The following PRIMA1 variants were observed in gnomAD, a reference collection of about 807,000 sequenced individuals.
The protein encoded by PRIMA1 is proline-rich membrane anchor 1.
In PRIMA1, 7 loss-of-function variants were observed where a neutral mutation model predicts 17.5. That is an observed-to-expected ratio of 0.40 (90% CI 0.23 to 0.75). The LOEUF is 0.75. PRIMA1 is among the 30% of genes least tolerant of loss of function. PRIMA1 has a pLI of 0.37. For missense variants in PRIMA1, 200 were observed against 201.8 expected, an observed-to-expected ratio of 0.99 and a Z score of 0.05; for synonymous variants, 97 against 77.9, an observed-to-expected ratio of 1.25 and a Z score of -1.29.
chr14:93,773,957 C>T (rs1421151469), intron 3 of PRIMA1, among the ~76,000 whole-genome samples: 4 of 152,052 alleles, frequency 2.6e-5, no homozygotes, highest in African/African-American at 7.2e-5. Flanking sequence ...CCACGTGTGG[C>T]GGCTCATGCC....
chr14:93,721,292 G>A lies in PRIMA1; in HGVS notation c.*152C>T. ...CGCAGGCTGACCAGGGGCAAGCCTG[G>A]GAAGACAATGGTTTCTCCTTCGGGA... On this transcript the variant is annotated 3_prime_UTR_variant, in exon 5 of 5. Coordinates refer to ENST00000393140, the MANE Select transcript of PRIMA1 (RefSeq NM_178013.4). 1.7e-6 allele frequency: 1 copy of A among 596,192 alleles called. No individual in the cohort carries two copies. The allele number at this position is 596,192 out of a possible 1,614,324, so 36.9% of individuals were successfully genotyped here.
chr14:93,788,252 C>T (rs1403083118), intron 1 of PRIMA1, among the ~76,000 whole-genome samples, 158 bp downstream of exon 1: 1 of 152,208 alleles, frequency 6.6e-6, no homozygotes, highest in Non-Finnish European at 1.5e-5. Context: ...CTGCCTGCAC[C>T]CACACTGCCC....
intron 4 of PRIMA1, among the ~76,000 whole-genome samples, chr14:93,736,381 G>C (rs545793230): frequency 6.6e-6 from 1 of 152,270 alleles, no homozygotes; most frequent in Non-Finnish European, 1.5e-5. Flanking sequence ...CTAAGAGAAC[G>C]TTGGTGAGGA....
chr14:93,781,967 CA>C (rs1461687473), intron 2 of PRIMA1, among the ~76,000 whole-genome samples: 5 of 145,356 alleles, frequency 3.4e-5, no homozygotes, highest in Middle Eastern at 4.3e-3. Context: ...AGCAAAACTC[CA>C]GTCTCAAAAA....
At chr14:93,747,403 A>G (rs184944822) in intron 3 of PRIMA1, among the ~76,000 whole-genome samples, 4 of 152,292 alleles carry the variant, frequency 2.6e-5, no homozygotes, top group Admixed American at 2.6e-4. Flanking sequence ...CGGGGAGTCA[A>G]AGAGAGAATG....
At chr14:93,779,000 G>A (rs1020781410) in intron 3 of PRIMA1, among the ~76,000 whole-genome samples, 176 bp downstream of exon 3, 1 of 151,998 alleles carries the variant, frequency 6.6e-6, no homozygotes, top group African/African-American at 2.4e-5. Flanking sequence ...GCAGGAGCAC[G>A]CTGTGGGAAA....
rs1566979282 is a variant in PRIMA1, at chr14:93,782,283, A to ATACATAC, written c.94-2973_94-2972insGTATGTA. Among the ~76,000 whole-genome samples, 1,477 of 151,084 alleles carry ATACATAC rather than the reference A, an allele frequency of 9.8e-3. 31 individuals are homozygous for ATACATAC. The highest frequency in any genetic ancestry group is 0.034 in the African/African-American group (1,396 of 40,904). On this transcript the variant is annotated intron_variant, in intron 2 of 4. Transcript: ENST00000393140. ...ACTCCGTCTCAAAAATAAATAAATA[A>ATACATAC]ATAAATAAATACATACATACATACA...
chr14:93,737,120 G>A lies in PRIMA1; in HGVS notation c.359+121C>T, dbSNP rs180864006. 40 of 947,024 alleles carry A rather than the reference G, an allele frequency of 4.2e-5. No individual in the cohort carries two copies. The East Asian group carries it at 9.6e-4, about 23-fold the overall frequency. 58.7% of individuals were successfully genotyped at this position (947,024 alleles called of 1,614,324 possible). A position where few individuals can be genotyped will look rare whatever the true frequency, so the allele number is the denominator to read the frequency against. The stretch of plus-strand genomic sequence containing the variant: ...TGGAAGGTCACTGTATATTCTTTCT[G>A]CTTCTTATATGCTTAACAACTTTTA... On this transcript the variant is annotated intron_variant, in intron 4 of 4. Coordinates refer to ENST00000393140, the MANE Select transcript of PRIMA1 (RefSeq NM_178013.4).
intron 4 of PRIMA1, among the ~76,000 whole-genome samples, chr14:93,724,201 C>T (rs1312688124): frequency 6.6e-6 from 1 of 152,176 alleles, no homozygotes; most frequent in Non-Finnish European, 1.5e-5. Flanking sequence ...CCCATATGAG[C>T]TCTGGGACCT....
intron 3 of PRIMA1, among the ~76,000 whole-genome samples, chr14:93,747,328 C>T (rs949288632): frequency 6.6e-6 from 1 of 152,200 alleles, no homozygotes; most frequent in African/African-American, 2.4e-5. Context: ...GGGATGGTGC[C>T]ACGTGGCAGT....
At chr14:93,733,372 C>T (rs989508627) in intron 4 of PRIMA1, among the ~76,000 whole-genome samples, 1 of 152,230 alleles carries the variant, frequency 6.6e-6, no homozygotes, top group Admixed American at 6.5e-5. Flanking sequence ...GCTAGTGAGA[C>T]TCTTCCTCCT....
intron 3 of PRIMA1, among the ~76,000 whole-genome samples, chr14:93,753,610 A>G (rs2076273381): frequency 6.6e-6 from 1 of 152,110 alleles, no homozygotes; most frequent in Non-Finnish European, 1.5e-5. Context: ...AAACCAATGG[A>G]TGTTGCTCAC....
intron 3 of PRIMA1, among the ~76,000 whole-genome samples, chr14:93,771,711 G>T (rs1178906316): frequency 6.6e-6 from 1 of 152,214 alleles, no homozygotes; most frequent in Non-Finnish European, 1.5e-5. Flanking sequence ...AGTCAGGGAA[G>T]GTCTTCCTGA....
chr14:93,770,289 T>A (rs1885021240), intron 3 of PRIMA1, among the ~76,000 whole-genome samples: 2 of 152,320 alleles, frequency 1.3e-5, no homozygotes, highest in Admixed American at 1.3e-4. Flanking sequence ...CGTGAGGGCA[T>A]GCCACACCCC....
At chr14:93,758,631 G>T (rs1216834917) in intron 3 of PRIMA1, among the ~76,000 whole-genome samples, 1 of 149,170 alleles carries the variant, frequency 6.7e-6, no homozygotes, top group Non-Finnish European at 1.5e-5. Context: ...AAAAGAAAAA[G>T]AAATAATCGA....
chr14:93,729,661 G>A (rs1159450684), intron 4 of PRIMA1, among the ~76,000 whole-genome samples: 1 of 152,242 alleles, frequency 6.6e-6, no homozygotes, highest in African/African-American at 2.4e-5. Flanking sequence ...CTGAAGGCCA[G>A]AGCAGGCAAC....
At chr14:93,757,174 G>T (rs1395732741) in intron 3 of PRIMA1, among the ~76,000 whole-genome samples, 2 of 152,034 alleles carry the variant, frequency 1.3e-5, no homozygotes. Context: ...TGGGGATGGA[G>T]AAATTGTGAG....
Position 93,721,525 on chromosome 14 carries a change from T to A in PRIMA1, c.381A>T (p.Glu127Asp), listed in dbSNP as rs756637168. The A allele has an allele frequency of 2.5e-6, 4 of 1,613,730 alleles. No individual in the cohort carries two copies. In the Admixed American group the frequency reaches 6.7e-5, roughly 27 times the overall value. ...AIKRKPLRKD[E>D]NGTSVAEYPM... ...GATACTCAGCAACGCTGGTGCCATTTTCGTCTTTTCTCAGTGGTTTCCTGG... is the reference window on the plus strand; with the variant it reads ...GATACTCAGCAACGCTGGTGCCATTATCGTCTTTTCTCAGTGGTTTCCTGG... Residue 127 changes from glutamate (E) to aspartate (D), a missense_variant, in exon 5 of 5, where the codon GAA (glutamate) becomes GAT (aspartate). By Grantham distance (45) the Glu-to-Asp change is conservative. Transcript: ENST00000393140.
intron 4 of PRIMA1, among the ~76,000 whole-genome samples, chr14:93,735,936 G>A (rs896049833): frequency 3.9e-5 from 6 of 152,186 alleles, no homozygotes; most frequent in Non-Finnish European, 8.8e-5. Context: ...TGATCCACCC[G>A]CCTCCACCTC....
Sources: allele counts gnomAD v4.1 joint callset (sites outside exome capture counted in the v4.1 genomes callset), GRCh38; gene constraint gnomAD v4.1.1; transcripts MANE v1.5; gene names NCBI Gene and HGNC (gene_info 2026-07-23, HGNC 2026-07-21).